SGCZ: variants seen among roughly 807,000 people sequenced by gnomAD.
SGCZ encodes zeta-sarcoglycan.
SGCZ carries 40 observed loss-of-function variants against 41.3 expected under a neutral mutation model. That is an observed-to-expected ratio of 0.97 (90% CI 0.75 to 1.26). The LOEUF is 1.26. SGCZ is among the 50% of genes most tolerant of loss of function. SGCZ has a pLI of 0.00. For synonymous variants in SGCZ, 206 were observed against 137.5 expected (o/e 1.50, Z -3.49); for missense variants, 552 against 369.8 (o/e 1.49, Z -4.04).
At chr8:14,104,693 C>G (rs899257663) in intron 6 of SGCZ, among the ~76,000 whole-genome samples, 1 of 152,044 alleles carries the variant, frequency 6.6e-6, no homozygotes, top group African/African-American at 2.4e-5. Flanking sequence ...CAGACAAAAT[C>G]CTGACTGCTT....
intron 1 of SGCZ, among the ~76,000 whole-genome samples, chr8:14,704,293 A>G (rs1282005342): frequency 6.6e-6 from 1 of 151,998 alleles, no homozygotes; most frequent in Non-Finnish European, 1.5e-5. Context: ...TTTCTTTAAC[A>G]TAGCTATTTT....
At chr8:15,166,261 T>G (rs1799662328) in intron 1 of SGCZ, among the ~76,000 whole-genome samples, 1 of 151,332 alleles carries the variant, frequency 6.6e-6, no homozygotes, top group African/African-American at 2.4e-5. Flanking sequence ...TTTTTTTCTT[T>G]TTTTGAGACG....
chr8:14,568,115 T>G (rs953268730), intron 1 of SGCZ, among the ~76,000 whole-genome samples: 1 of 152,080 alleles, frequency 6.6e-6, no homozygotes, highest in Non-Finnish European at 1.5e-5. Flanking sequence ...ACCATCATCC[T>G]CAGCAAACTA....
intron 1 of SGCZ, among the ~76,000 whole-genome samples, chr8:15,161,268 C>T (rs994909828): frequency 4.6e-5 from 7 of 152,100 alleles, no homozygotes; most frequent in African/African-American, 1.7e-4. Flanking sequence ...CCCTTGTTTA[C>T]CTCCCCTACT....
At chr8:14,408,143 T>A (rs919071158) in intron 2 of SGCZ, among the ~76,000 whole-genome samples, 6 of 152,110 alleles carry the variant, frequency 3.9e-5, no homozygotes, top group African/African-American at 1.2e-4. Context: ...TAGTAGAAAT[T>A]AAAAGAAAAA....
chr8:14,794,727 G>T (rs946486539), intron 1 of SGCZ, among the ~76,000 whole-genome samples: 1 of 152,132 alleles, frequency 6.6e-6, no homozygotes, highest in African/African-American at 2.4e-5. Flanking sequence ...CTCACGAAAA[G>T]ACATAGCATT....
At chr8:15,090,381 T>A (rs1806114124) in intron 1 of SGCZ, among the ~76,000 whole-genome samples, 1 of 152,196 alleles carries the variant, frequency 6.6e-6, no homozygotes, top group Non-Finnish European at 1.5e-5. Flanking sequence ...ATGCATTTTT[T>A]CCATATTTCA....
intron 1 of SGCZ, among the ~76,000 whole-genome samples, chr8:14,809,599 G>C (rs1342443039): frequency 6.6e-6 from 1 of 152,102 alleles, no homozygotes; most frequent in Admixed American, 6.6e-5. Flanking sequence ...TTTTGAGGTA[G>C]AGCACAGTAG....
intron 1 of SGCZ, among the ~76,000 whole-genome samples, chr8:14,763,240 T>C (rs1435311472): frequency 6.6e-6 from 1 of 152,130 alleles, no homozygotes; most frequent in Non-Finnish European, 1.5e-5. Context: ...CGTCTTATAT[T>C]ATTGCAAGCT....
intron 1 of SGCZ, among the ~76,000 whole-genome samples, chr8:14,556,943 G>T (rs963665315): frequency 9.2e-5 from 14 of 151,928 alleles, no homozygotes; most frequent in Admixed American, 8.5e-4. Flanking sequence ...CTCTGGGTAG[G>T]TACTCAGTAG....
chr8:14,367,963 C>A (rs527322895), intron 2 of SGCZ, among the ~76,000 whole-genome samples: 1 of 152,122 alleles, frequency 6.6e-6, no homozygotes, highest in African/African-American at 2.4e-5. Flanking sequence ...ATCTCACTTA[C>A]AAATATAATA....
intron 1 of SGCZ, among the ~76,000 whole-genome samples, chr8:14,624,531 T>A (rs1309444715): frequency 6.9e-6 from 1 of 144,624 alleles, no homozygotes; most frequent in African/African-American, 2.5e-5. Context: ...AACATAAATA[T>A]CACTCCCCAA....
At chr8:14,351,251 T>C (rs1165327030) in intron 2 of SGCZ, among the ~76,000 whole-genome samples, 2 of 152,160 alleles carry the variant, frequency 1.3e-5, no homozygotes, top group African/African-American at 4.8e-5. Context: ...GTTAAACTTA[T>C]TCAGATAAAT....
chr8:14,590,056 G>C (rs1384238868), intron 1 of SGCZ, among the ~76,000 whole-genome samples: 4 of 152,062 alleles, frequency 2.6e-5, no homozygotes, highest in Non-Finnish European at 4.4e-5. Flanking sequence ...TACTTTATGT[G>C]TGTACAGTAG....
At chr8:14,548,141 C>G (rs73533130) in intron 2 of SGCZ, among the ~76,000 whole-genome samples, 1,627 of 152,216 alleles carry the variant, frequency 0.011, 22 homozygotes, top group African/African-American at 0.037. Context: ...ATAGATCACA[C>G]CCACTCTACA....
intron 5 of SGCZ, among the ~76,000 whole-genome samples, chr8:14,128,293 T>C (rs1802927370): frequency 6.6e-6 from 1 of 152,106 alleles, no homozygotes; most frequent in Non-Finnish European, 1.5e-5. Context: ...CAACAAACCA[T>C]GTTGAAAAAA....
intron 2 of SGCZ, among the ~76,000 whole-genome samples, chr8:14,402,717 T>C (rs1302544751): frequency 6.8e-6 from 1 of 147,006 alleles, no homozygotes; most frequent in Non-Finnish European, 1.5e-5. Context: ...TGAAGTCAGG[T>C]AGTGTGATGC....
intron 4 of SGCZ, among the ~76,000 whole-genome samples, chr8:14,205,027 C>G (rs1255914818): frequency 6.6e-6 from 1 of 152,162 alleles, no homozygotes; most frequent in African/African-American, 2.4e-5. Context: ...GTCTGTCTAT[C>G]TATTTATTAT....
chr8:14,253,103 G>A (rs1376717466), intron 3 of SGCZ, among the ~76,000 whole-genome samples: 3 of 152,070 alleles, frequency 2.0e-5, no homozygotes, highest in Non-Finnish European at 4.4e-5. Context: ...GGTAAGGGTT[G>A]AGAAGAAGTA....
Sources: allele counts gnomAD v4.1 joint callset (sites outside exome capture counted in the v4.1 genomes callset), GRCh38; gene constraint gnomAD v4.1.1; transcripts MANE v1.5; gene names NCBI Gene and HGNC (gene_info 2026-07-23, HGNC 2026-07-21).